Variants in GABRA3 observed in about 807,000 individuals in gnomAD.
GABRA3 encodes the protein gamma-aminobutyric acid type A receptor subunit alpha3, also known as gamma-aminobutyric acid receptor subunit alpha-3.
GABRA3 carries 10 observed loss-of-function variants against 30.1 expected under a neutral mutation model. The ratio of observed to expected loss-of-function variants is 0.33; its 90% confidence interval spans 0.20 to 0.56. The LOEUF (loss-of-function observed/expected upper bound fraction) is 0.56. Among genes scored for constraint, GABRA3 ranks in the 20% least tolerant of loss-of-function variants. GABRA3 has a pLI of 0.89. For missense variants in GABRA3, 233 were observed against 392.0 expected, an observed-to-expected ratio of 0.59 and a Z score of 3.42; for synonymous variants, 151 against 146.8, an observed-to-expected ratio of 1.03 and a Z score of -0.21.
chrX:152,186,598 T>C (rs1482589431), intron 9 of GABRA3, among the ~76,000 whole-genome samples: 4 of 107,906 alleles, frequency 3.7e-5, no homozygotes, highest in African/African-American at 6.8e-5. Flanking sequence ...TTCCTTCCTT[T>C]ATCTCTCTCT....
intron 9 of GABRA3, among the ~76,000 whole-genome samples, chrX:152,181,173 G>A (rs1255037302): frequency 8.1e-5 from 9 of 111,725 alleles, no homozygotes; most frequent in African/African-American, 2.9e-4. Flanking sequence ...CATGAACAGT[G>A]GGTATCTTTC....
chrX:152,264,343 C>A (rs894712690), intron 4 of GABRA3, among the ~76,000 whole-genome samples: 2 of 111,267 alleles, frequency 1.8e-5, no homozygotes, highest in Non-Finnish European at 3.8e-5. Context: ...AGTGGGGGAA[C>A]AAATAAGGTA....
intron 3 of GABRA3, among the ~76,000 whole-genome samples, chrX:152,305,252 C>A (rs991710136): frequency 1.8e-5 from 2 of 110,030 alleles, no homozygotes; most frequent in African/African-American, 6.6e-5. Context: ...ACAATAGATA[C>A]TGGGGATTCC....
intron 4 of GABRA3, among the ~76,000 whole-genome samples, chrX:152,283,629 A>G (rs756022299): frequency 9.0e-6 from 1 of 111,463 alleles, no homozygotes; most frequent in South Asian, 3.7e-4. Context: ...CAACACATAT[A>G]TTTTTACTGT....
At chrX:152,275,162 A>G (rs1347519316) in intron 4 of GABRA3, among the ~76,000 whole-genome samples, 2 of 79,880 alleles carry the variant, frequency 2.5e-5, no homozygotes, top group African/African-American at 9.5e-5. Flanking sequence ...TTAATATTAT[A>G]TATATAATTT....
chrX:152,381,154 C>T (rs1357209267), intron 1 of GABRA3, among the ~76,000 whole-genome samples: 1 of 112,019 alleles, frequency 8.9e-6, no homozygotes, highest in Non-Finnish European at 1.9e-5. Flanking sequence ...CCAGTGGATG[C>T]TGACACCATG....
At chrX:152,281,367 C>T (rs781615306) in intron 4 of GABRA3, among the ~76,000 whole-genome samples, 40 of 111,241 alleles carry the variant, frequency 3.6e-4, no homozygotes, top group African/African-American at 1.2e-3. Flanking sequence ...TGTTCTGTTT[C>T]TCTCCTAGGA....
intron 3 of GABRA3, among the ~76,000 whole-genome samples, chrX:152,333,343 T>A (rs777105217): frequency 3.3e-3 from 365 of 111,426 alleles, no homozygotes; most frequent in African/African-American, 0.012. Context: ...CTTAATCATA[T>A]AAAAAAATTT....
At chrX:152,182,989 A>C (rs1937205346) in intron 9 of GABRA3, among the ~76,000 whole-genome samples, 1 of 105,438 alleles carries the variant, frequency 9.5e-6, no homozygotes, top group Admixed American at 1.1e-4. Context: ...TTTTACATCT[A>C]TTTTGTTCAT....
intron 4 of GABRA3, among the ~76,000 whole-genome samples, chrX:152,260,504 C>T (rs1938711754): frequency 9.0e-6 from 1 of 111,572 alleles, no homozygotes; most frequent in African/African-American, 3.3e-5. Context: ...GTGCTTTTGT[C>T]ACTCCACTCT....
At chrX:152,272,984 C>A (rs1938974435) in intron 4 of GABRA3, among the ~76,000 whole-genome samples, 1 of 111,566 alleles carries the variant, frequency 9.0e-6, no homozygotes, top group South Asian at 3.8e-4. Context: ...ATAAGTTACC[C>A]AATCTTGGGC....
chrX:152,366,112 T>C (rs1461928799), intron 1 of GABRA3, among the ~76,000 whole-genome samples: 3 of 111,542 alleles, frequency 2.7e-5, no homozygotes, highest in African/African-American at 9.8e-5. Flanking sequence ...GAAAAGATAG[T>C]GCATGATCAG....
At chrX:152,368,704 T>A (rs1274041769) in intron 1 of GABRA3, among the ~76,000 whole-genome samples, 4 of 4,579 alleles carry the variant, frequency 8.7e-4, no homozygotes, top group African/African-American at 1.2e-3. Flanking sequence ...TTTTTTTCTT[T>A]TTTTTTTTTT....
intron 6 of GABRA3, among the ~76,000 whole-genome samples, 166 bp downstream of exon 6, chrX:152,224,596 CT>C (rs1410981777): frequency 8.9e-6 from 1 of 111,773 alleles, no homozygotes; most frequent in East Asian, 2.8e-4. Context: ...TCTCCTCCCC[CT>C]GATTAGTTAG....
Position 152,332,588 on chromosome X carries a change from C to CT in GABRA3, c.262+12992dup, listed in dbSNP as rs369716894. ...AACAACTTGGCAAGGTATCTCGACC[C>CT]TTTTTTTTACAGATGAGAAAACAGA... On this transcript the variant is annotated intron_variant, in intron 3 of 9. Coordinates refer to ENST00000370314, the MANE Select transcript of GABRA3 (RefSeq NM_000808.4). Among the ~76,000 whole-genome samples the CT allele has an allele frequency of 4.5e-5, 5 of 111,411 alleles. No homozygotes were observed. The South Asian group carries it at 1.9e-3, about 42-fold the overall frequency.
intron 9 of GABRA3, among the ~76,000 whole-genome samples, chrX:152,171,664 A>G (rs1348787231): frequency 1.8e-5 from 2 of 111,334 alleles, no homozygotes; most frequent in Admixed American, 9.6e-5. Flanking sequence ...AATACCCACC[A>G]TTGAAGATTA....
At chrX:152,215,919 G>T (rs1937711841) in intron 6 of GABRA3, among the ~76,000 whole-genome samples, 1 of 110,639 alleles carries the variant, frequency 9.0e-6, no homozygotes, top group Non-Finnish European at 1.9e-5. Context: ...TTTAAAAATG[G>T]GCAAAAGACC....
chrX:152,313,750 T>C (rs1167212180), intron 3 of GABRA3, among the ~76,000 whole-genome samples: 1 of 111,864 alleles, frequency 8.9e-6, no homozygotes, highest in Non-Finnish European at 1.9e-5. Flanking sequence ...TCAGATATAT[T>C]TGCATCAGTA....
rs1032085640 is a variant in GABRA3, at chrX:152,181,152, ATTC to A, written c.1143+8575_1143+8577del. On this transcript the variant is annotated intron_variant, in intron 9 of 9. Transcript: ENST00000370314. ...TGGCATGAACATTTTAACAATATTA[ATTC>A]TTCTAGCCATGAACAGTGGGTATCT... 5.4e-5 allele frequency among the ~76,000 whole-genome samples: 6 copies of A among 111,798 alleles called. No homozygotes were observed. In the East Asian group the frequency reaches 1.7e-3, roughly 31 times the overall value.
Sources: gnomAD v4.1 joint callset for allele counts (sites outside exome capture counted in the v4.1 genomes callset) on GRCh38, gnomAD v4.1.1 for gene constraint, MANE v1.5 for transcripts, NCBI Gene and HGNC (gene_info 2026-07-23, HGNC 2026-07-21) for gene names.